Variants in ARID5B observed in about 807,000 individuals in gnomAD.
The protein encoded by ARID5B is AT-rich interaction domain 5B.
A neutral mutation model predicts 97.2 loss-of-function variants in ARID5B; 13 were observed. That is an observed-to-expected ratio of 0.13 (90% CI 0.09 to 0.21). The LOEUF is 0.21. Ranked by LOEUF, ARID5B falls within the 10% of genes least tolerant of loss-of-function variation. The probability of loss-of-function intolerance (pLI) is 1.00; values close to 1 mark genes in which losing one functional copy is unlikely to be tolerated. For synonymous variants in ARID5B, 556 were observed against 570.3 expected (o/e 0.97, Z 0.36); for missense variants, 1,210 against 1,465.3 (o/e 0.83, Z 2.84).
intron 5 of ARID5B, chr10:62,051,258 A>G (rs1257707035): frequency 1.1e-5 from 6 of 567,318 alleles, no homozygotes; most frequent in Non-Finnish European, 1.9e-5. Flanking sequence ...TTATGAGTAA[A>G]GGACAGATGA....
At chr10:61,921,714 T>C (rs1844018111) in intron 2 of ARID5B, among the ~76,000 whole-genome samples, 1 of 152,196 alleles carries the variant, frequency 6.6e-6, no homozygotes, top group Non-Finnish European at 1.5e-5. Context: ...GGGACCATCT[T>C]CGAGGCCACC....
Position 62,092,580 on chromosome 10 carries a change from G to T in ARID5B, c.3117G>T (p.Glu1039Asp). 1 of 1,614,194 alleles carries T rather than the reference G, an allele frequency of 6.2e-7. No homozygotes were observed. The highest frequency in any genetic ancestry group is 1.3e-5 in the African/African-American group (1 of 75,040). ...RAVSPLDPSK[E>D]VSGKEKASEQ... is the part of the protein sequence containing the mutation. Reference sequence around the variant, plus strand: ...TGTCTCCCTTAGACCCATCCAAGGAGGTCTCTGGGAAGGAGAAGGCCTCTG... The same window carrying T: ...TGTCTCCCTTAGACCCATCCAAGGATGTCTCTGGGAAGGAGAAGGCCTCTG... The change falls in exon 10 of 10, where the codon GAG becomes GAT. Residue 1039 changes from glutamate to aspartate, a missense_variant. Glu to Asp is a conservative substitution (Grantham distance 45). Transcript: ENST00000279873.
At chr10:61,942,823 G>A (rs1844434327) in intron 3 of ARID5B, among the ~76,000 whole-genome samples, 1 of 151,988 alleles carries the variant, frequency 6.6e-6, no homozygotes, top group Non-Finnish European at 1.5e-5. Context: ...AAACAAAAAA[G>A]GCTTTTAGGT....
chr10:62,075,708 A>T (rs535037446), intron 8 of ARID5B, among the ~76,000 whole-genome samples: 2 of 152,216 alleles, frequency 1.3e-5, no homozygotes, highest in South Asian at 2.1e-4. Context: ...GCTTGCTCTC[A>T]TGCAGGCGCC....
intron 3 of ARID5B, among the ~76,000 whole-genome samples, chr10:61,978,111 T>C (rs1337658633): frequency 1.3e-5 from 2 of 152,250 alleles, no homozygotes; most frequent in Admixed American, 6.5e-5. Context: ...ATTTATTAAA[T>C]AGGGAATCCT....
At chr10:61,928,278 A>C (rs1844142763) in intron 2 of ARID5B, among the ~76,000 whole-genome samples, 2 of 151,916 alleles carry the variant, frequency 1.3e-5, no homozygotes, top group African/African-American at 4.8e-5. Flanking sequence ...TCCAGTGTAA[A>C]ACCTCCCCTT....
At chr10:61,989,542 T>C (rs1204596864) in intron 3 of ARID5B, among the ~76,000 whole-genome samples, 2 of 152,204 alleles carry the variant, frequency 1.3e-5, no homozygotes, top group African/African-American at 4.8e-5. Flanking sequence ...TTAACTATAA[T>C]TAGAAGACAT....
intron 3 of ARID5B, among the ~76,000 whole-genome samples, chr10:61,984,609 T>G (rs561983712): frequency 6.6e-6 from 1 of 152,084 alleles, no homozygotes; most frequent in South Asian, 2.1e-4. Context: ...AAGGCTAAGG[T>G]TTAGGTACAA....
intron 3 of ARID5B, among the ~76,000 whole-genome samples, chr10:61,992,034 A>G (rs931551483): frequency 6.7e-6 from 1 of 148,736 alleles, no homozygotes; most frequent in Non-Finnish European, 1.5e-5. Context: ...CTCTGTCTCA[A>G]AAAAAAAAAA....
chr10:62,065,010 A>G (rs1166828060), intron 7 of ARID5B, among the ~76,000 whole-genome samples: 2 of 152,070 alleles, frequency 1.3e-5, no homozygotes, highest in Non-Finnish European at 1.5e-5. Context: ...CTGACCTCAG[A>G]TGATCCACCC....
chr10:62,080,795 A>G lies in ARID5B; in HGVS notation c.1200-4907A>G, dbSNP rs887410972. Among the ~76,000 whole-genome samples, 14 of 152,142 alleles carry G rather than the reference A, an allele frequency of 9.2e-5. No individual in the cohort carries two copies. In the South Asian group the frequency reaches 2.9e-3, roughly 31 times the overall value. Reference sequence around the variant, plus strand: ...CATTTCGTTGTTACTACAAAAAAAAAGCCTAATAGTATTAGAATAGTAGTG... The same window carrying G: ...CATTTCGTTGTTACTACAAAAAAAAGGCCTAATAGTATTAGAATAGTAGTG... On this transcript the variant is annotated intron_variant, in intron 8 of 9. Coordinates refer to ENST00000279873, the MANE Select transcript of ARID5B (RefSeq NM_032199.3).
rs115047469 is a variant in ARID5B at position 61,988,754 on chromosome 10, G to T, written c.503-11337G>T. The stretch of plus-strand genomic sequence containing the variant: ...TTTTAAAATTTCTTTTCAGGCAGAC[G>T]CTCTAAAGAGAGCTATGCTGTTCAA... On this transcript the variant is annotated intron_variant, in intron 3 of 9. Coordinates refer to ENST00000279873, the MANE Select transcript of ARID5B (RefSeq NM_032199.3). 5.2e-3 allele frequency among the ~76,000 whole-genome samples: 790 copies of T among 152,192 alleles called. 12 individuals are homozygous for T. The highest frequency in any genetic ancestry group is 0.018 in the African/African-American group (761 of 41,534).
At chr10:61,999,484 T>A (rs1839047067) in intron 3 of ARID5B, among the ~76,000 whole-genome samples, 1 of 152,186 alleles carries the variant, frequency 6.6e-6, no homozygotes, top group Non-Finnish European at 1.5e-5. Context: ...AGAGTACCGG[T>A]GTTCACCCTC....
intron 2 of ARID5B, among the ~76,000 whole-genome samples, chr10:61,918,666 A>G (rs183150887): frequency 1.2e-4 from 18 of 152,252 alleles, no homozygotes; most frequent in Non-Finnish European, 1.3e-4. Flanking sequence ...TTTTTTATCT[A>G]TATCTGTGAT....
At chr10:62,018,656 T>G (rs1288110307) in intron 4 of ARID5B, among the ~76,000 whole-genome samples, 1 of 151,048 alleles carries the variant, frequency 6.6e-6, no homozygotes, top group Non-Finnish European at 1.5e-5. Flanking sequence ...GGTAATTTTT[T>G]GTGGGTGTTC....
chr10:62,063,879 T>C (rs1239666396), intron 7 of ARID5B, among the ~76,000 whole-genome samples: 1 of 152,190 alleles, frequency 6.6e-6, no homozygotes, highest in African/African-American at 2.4e-5. Flanking sequence ...GCTTGGGGTA[T>C]TACCAGGATG....
intron 3 of ARID5B, among the ~76,000 whole-genome samples, chr10:61,991,041 T>TATACACACACACACAC (rs1554842858): frequency 0.046 from 6,706 of 145,028 alleles, 198 homozygotes; most frequent in East Asian, 0.077. Flanking sequence ...ATTTATCCTG[T>TATACACACACACACAC]ACACACACAC....
chr10:62,073,556 A>G (rs548104379), intron 8 of ARID5B, among the ~76,000 whole-genome samples: 2 of 152,342 alleles, frequency 1.3e-5, no homozygotes, highest in South Asian at 4.1e-4. Context: ...GGTTTAAATC[A>G]AATAGGTCCA....
At chr10:62,073,281 C>G (rs1420657756) in intron 8 of ARID5B, among the ~76,000 whole-genome samples, 1 of 152,196 alleles carries the variant, frequency 6.6e-6, no homozygotes, top group African/African-American at 2.4e-5. Flanking sequence ...GCATTATCCA[C>G]TGATTTATTT....
Sources: gnomAD v4.1 joint callset for allele counts (sites outside exome capture counted in the v4.1 genomes callset) on GRCh38, gnomAD v4.1.1 for gene constraint, MANE v1.5 for transcripts, NCBI Gene and HGNC (gene_info 2026-07-23, HGNC 2026-07-21) for gene names.